PRRX1: variants seen among roughly 807,000 people sequenced by gnomAD.
PRRX1 encodes the protein paired related homeobox 1.
In PRRX1, 8 loss-of-function variants were observed where a neutral mutation model predicts 24.0. The observed-to-expected ratio is 0.33, with a 90% CI of 0.20 to 0.60. PRRX1 has a LOEUF of 0.60. PRRX1 is among the 20% of genes least tolerant of loss of function. PRRX1 has a pLI of 0.82. For missense variants in PRRX1, 281 were observed against 322.4 expected (o/e 0.87, Z 0.98); for synonymous variants, 160 against 131.7 (o/e 1.22, Z -1.47).
intron 2 of PRRX1, among the ~76,000 whole-genome samples, chr1:170,722,916 T>G (rs1192905195): frequency 6.6e-6 from 1 of 151,996 alleles, no homozygotes; most frequent in South Asian, 2.1e-4. Flanking sequence ...CATTTAGGAG[T>G]CCACAGGTAA....
intron 2 of PRRX1, among the ~76,000 whole-genome samples, chr1:170,724,604 T>C (rs530695768): frequency 6.6e-6 from 1 of 152,254 alleles, no homozygotes; most frequent in African/African-American, 2.4e-5. Context: ...AAATGTACAG[T>C]CTTTTCTGAG....
At chr1:170,711,760 C>T (rs1031422547) in intron 1 of PRRX1, among the ~76,000 whole-genome samples, 1 of 152,150 alleles carries the variant, frequency 6.6e-6, no homozygotes, top group Non-Finnish European at 1.5e-5. Flanking sequence ...ATGCCTCATC[C>T]TCAGCTCTGT....
At chr1:170,714,469 G>T (rs897757819) in intron 1 of PRRX1, among the ~76,000 whole-genome samples, 1 of 152,170 alleles carries the variant, frequency 6.6e-6, no homozygotes, top group Non-Finnish European at 1.5e-5. Flanking sequence ...ACTGGAGCTG[G>T]CATTTTATCT....
chr1:170,690,846 A>G (rs996217679), intron 1 of PRRX1, among the ~76,000 whole-genome samples: 1 of 152,150 alleles, frequency 6.6e-6, no homozygotes, highest in Middle Eastern at 3.2e-3. Context: ...AGAAAATGTA[A>G]GAGACTACAG....
At chr1:170,692,291 T>G (rs1355048091) in intron 1 of PRRX1, among the ~76,000 whole-genome samples, 1 of 152,110 alleles carries the variant, frequency 6.6e-6, no homozygotes, top group Non-Finnish European at 1.5e-5. Flanking sequence ...AGAACCCAAT[T>G]TATTTTCCAT....
At chr1:170,718,388 C>T (rs1425578936) in intron 1 of PRRX1, among the ~76,000 whole-genome samples, 1 of 152,140 alleles carries the variant, frequency 6.6e-6, no homozygotes, top group Non-Finnish European at 1.5e-5. Context: ...TAGATCATTC[C>T]CTCAATTTGT....
At chr1:170,703,590 A>G (rs748593207) in intron 1 of PRRX1, among the ~76,000 whole-genome samples, 1 of 144,236 alleles carries the variant, frequency 6.9e-6, no homozygotes, top group Non-Finnish European at 1.6e-5. Context: ...TACATTATAT[A>G]ATAGTGTTTT....
intron 1 of PRRX1, among the ~76,000 whole-genome samples, chr1:170,674,497 T>A (rs543077102): frequency 5.3e-5 from 8 of 152,258 alleles, no homozygotes; most frequent in African/African-American, 1.9e-4. Flanking sequence ...ACCACACAAA[T>A]CTCTTTTCTC....
intron 1 of PRRX1, among the ~76,000 whole-genome samples, chr1:170,680,078 T>C (rs1399864544): frequency 6.6e-6 from 1 of 152,234 alleles, no homozygotes; most frequent in East Asian, 1.9e-4. Flanking sequence ...TTTATTCCAC[T>C]AGTAGTTTTG....
At chr1:170,705,854 T>C (rs1418462815) in intron 1 of PRRX1, among the ~76,000 whole-genome samples, 2 of 152,020 alleles carry the variant, frequency 1.3e-5, no homozygotes, top group East Asian at 1.9e-4. Context: ...CTCATGTTTC[T>C]AGCACTGCTG....
intron 1 of PRRX1, among the ~76,000 whole-genome samples, chr1:170,713,483 G>C (rs1179258005): frequency 2.6e-5 from 4 of 152,204 alleles, no homozygotes; most frequent in Admixed American, 6.5e-5. Context: ...TTGTTCTATA[G>C]AGGTGAAAAG....
At chr1:170,693,419 C>T (rs971460878) in intron 1 of PRRX1, among the ~76,000 whole-genome samples, 19 of 151,990 alleles carry the variant, frequency 1.3e-4, no homozygotes, top group African/African-American at 4.6e-4. Flanking sequence ...CCTGCACATA[C>T]CAATCTCAGA....
chr1:170,683,297 G>C (rs1022759975), intron 1 of PRRX1, among the ~76,000 whole-genome samples: 5 of 152,202 alleles, frequency 3.3e-5, no homozygotes, highest in Admixed American at 6.5e-5. Context: ...GGTGAGGATA[G>C]AGCAGCAGTG....
At chr1:170,717,454 A>G (rs555260481) in intron 1 of PRRX1, among the ~76,000 whole-genome samples, 1 of 152,352 alleles carries the variant, frequency 6.6e-6, no homozygotes, top group Non-Finnish European at 1.5e-5. Flanking sequence ...AAAGATTTAT[A>G]ATTTGTGGTT....
At chr1:170,681,911 A>G (rs1653559608) in intron 1 of PRRX1, among the ~76,000 whole-genome samples, 1 of 152,230 alleles carries the variant, frequency 6.6e-6, no homozygotes. Context: ...TGCTATGGAA[A>G]TGAATATTTA....
At chr1:170,678,840 C>T (rs891795398) in intron 1 of PRRX1, among the ~76,000 whole-genome samples, 71 of 152,134 alleles carry the variant, frequency 4.7e-4, no homozygotes, top group African/African-American at 1.7e-3. Flanking sequence ...ATACTCTAAT[C>T]CTGCATATCT....
intron 1 of PRRX1, among the ~76,000 whole-genome samples, chr1:170,695,096 G>T (rs513287): frequency 6.6e-6 from 1 of 151,886 alleles, no homozygotes; most frequent in African/African-American, 2.4e-5. Flanking sequence ...CTAAATGTCC[G>T]TGAAGGCCTG....
chr1:170,669,448 A>AAAAAAAAAAAAAAAAAAC (rs1383569022), intron 1 of PRRX1: 1 of 146,854 alleles, frequency 6.8e-6, no homozygotes. Context: ...AAAAAAAAAA[A>AAAAAAAAAAAAAAAAAAC]AAAAAATTCA....
chr1:170,680,853 A>T (rs915044047), intron 1 of PRRX1, among the ~76,000 whole-genome samples: 7 of 152,236 alleles, frequency 4.6e-5, no homozygotes, highest in African/African-American at 1.4e-4. Context: ...TTGCTTCCAT[A>T]GAAAGACAAC....
Sources: allele counts gnomAD v4.1 joint callset (sites outside exome capture counted in the v4.1 genomes callset), GRCh38; gene constraint gnomAD v4.1.1; transcripts MANE v1.5; gene names NCBI Gene and HGNC (gene_info 2026-07-23, HGNC 2026-07-21).